Variants in GDAP1 observed in about 807,000 individuals in gnomAD.
GDAP1 encodes the protein ganglioside-induced differentiation-associated protein 1.
In GDAP1, 34 loss-of-function variants were observed where a neutral mutation model predicts 40.1. That is an observed-to-expected ratio of 0.85 (90% confidence interval 0.64 to 1.13). The LOEUF is 1.13. GDAP1 is among the 50% of genes most tolerant of loss of function. The pLI, the probability that GDAP1 is intolerant of heterozygous loss-of-function variation, is 0.00. For missense variants in GDAP1, 374 were observed against 433.7 expected (o/e 0.86, Z 1.22); for synonymous variants, 170 against 157.4 (o/e 1.08, Z -0.60).
intron 2 of GDAP1, among the ~76,000 whole-genome samples, chr8:74,431,463 A>G (rs1806023443): frequency 7.1e-6 from 1 of 140,634 alleles, no homozygotes; most frequent in Admixed American, 7.1e-5. Flanking sequence ...CATGTTCAAA[A>G]TTCTTTCTTA....
rs375489100 is a variant in GDAP1, at chr8:74,365,213, T to C, written c.*846T>C. ...TTTGATGATCTGGGAGCACCAAATA[T>C]GTTCATTCTTCGTTTGGGGAGGCTG... On this transcript the variant is annotated 3_prime_UTR_variant, in exon 6 of 6. Transcript: ENST00000220822. 2.0e-5 allele frequency: 9 copies of C among 454,120 alleles called. No homozygotes were observed. Among genetic ancestry groups the C allele is most frequent in the African/African-American group, 1.6e-4 (8 of 50,126 alleles). 28.1% of individuals were successfully genotyped at this position (454,120 alleles called of 1,614,324 possible).
At chr8:74,445,051 T>C (rs527802766) in intron 2 of GDAP1, among the ~76,000 whole-genome samples, 93 of 152,294 alleles carry the variant, frequency 6.1e-4, no homozygotes, top group African/African-American at 2.0e-3. Flanking sequence ...TTTTCCTTTG[T>C]ATATTTTGAG....
chr8:74,477,804 G>A (rs927586425), intron 2 of GDAP1, among the ~76,000 whole-genome samples: 1 of 152,178 alleles, frequency 6.6e-6, no homozygotes, highest in Non-Finnish European at 1.5e-5. Flanking sequence ...GCAGTGCACT[G>A]CACACTCATC....
chr8:74,402,758 T>C (rs1810369938), intron 2 of GDAP1, among the ~76,000 whole-genome samples: 1 of 150,474 alleles, frequency 6.6e-6, no homozygotes, highest in Non-Finnish European at 1.5e-5. Flanking sequence ...ACTTTAAATA[T>C]AAACAAATGA....
chr8:74,354,088 C>T (rs925851428), intron 2 of GDAP1, among the ~76,000 whole-genome samples: 5 of 152,114 alleles, frequency 3.3e-5, no homozygotes, highest in South Asian at 2.1e-4. Flanking sequence ...AAGATTGTAA[C>T]GCACATTTGC....
intron 2 of GDAP1, among the ~76,000 whole-genome samples, chr8:74,435,086 T>C (rs1806072126): frequency 6.6e-6 from 1 of 152,216 alleles, no homozygotes; most frequent in South Asian, 2.1e-4. Context: ...GAAAGTAATT[T>C]GAATAGATAT....
downstream of GDAP1, among the ~76,000 whole-genome samples, chr8:74,368,254 C>T (rs772016403): frequency 3.3e-5 from 5 of 152,074 alleles, no homozygotes; most frequent in East Asian, 1.9e-4. Context: ...AAATTTCAGG[C>T]GTATGACCAG....
At chr8:74,444,597 AG>A (rs1411102843) in intron 2 of GDAP1, among the ~76,000 whole-genome samples, 1 of 152,230 alleles carries the variant, frequency 6.6e-6, no homozygotes, top group African/African-American at 2.4e-5. Flanking sequence ...TTTCAATTAA[AG>A]ATCTGTAAAA....
chr8:74,416,994 A>G (rs1805791744), intron 2 of GDAP1, among the ~76,000 whole-genome samples: 1 of 142,690 alleles, frequency 7.0e-6, no homozygotes, highest in South Asian at 2.1e-4. Flanking sequence ...CGGCAGCTCT[A>G]CCCCAATAGT....
rs140734624 is a variant in GDAP1 at position 74,477,878 on chromosome 8, G to A, written c.166-10800G>A. On this transcript the variant is annotated intron_variant, in intron 2 of 2. Coordinates refer to the GDAP1 transcript ENST00000523640. ...TTTCATGTGGATGTTCACAGTAGTC[G>A]CATTAGCAGCATGGTTGGGGTGGTG... Among the ~76,000 whole-genome samples the A allele has an allele frequency of 4.2e-3, 640 of 152,244 alleles. 4 individuals are homozygous for A. Among genetic ancestry groups the A allele is most frequent in the African/African-American group, 0.014 (592 of 41,544 alleles).
intron 2 of GDAP1, among the ~76,000 whole-genome samples, chr8:74,395,042 C>A (rs1810172569): frequency 6.6e-6 from 1 of 152,148 alleles, no homozygotes; most frequent in Non-Finnish European, 1.5e-5. Flanking sequence ...CTGTAAACTT[C>A]TCATGGGCAT....
At chr8:74,396,920 G>A (rs1454939101) in intron 2 of GDAP1, among the ~76,000 whole-genome samples, 1 of 152,148 alleles carries the variant, frequency 6.6e-6, no homozygotes, top group Non-Finnish European at 1.5e-5. Flanking sequence ...AGATCCCTGA[G>A]GAATCGCCAC....
At chr8:74,455,231 T>C (rs1030917959) in intron 2 of GDAP1, among the ~76,000 whole-genome samples, 3 of 151,956 alleles carry the variant, frequency 2.0e-5, no homozygotes, top group African/African-American at 7.2e-5. Context: ...TAAATAACCC[T>C]ATAGAAATCC....
At chr8:74,410,124 C>T (rs886182751) in intron 2 of GDAP1, among the ~76,000 whole-genome samples, 1 of 150,004 alleles carries the variant, frequency 6.7e-6, no homozygotes, top group African/African-American at 2.5e-5. Context: ...GAGAATATGA[C>T]ATATGACCTA....
At chr8:74,359,988 A>C in intron 2 of GDAP1, 149 bp from the exon 3 acceptor site, 104 of 734 alleles carry the variant, frequency 0.14, 52 homozygotes, top group Admixed American at 0.28. Flanking sequence ...CAAACTTTGA[A>C]TGAATGTCTG....
At chr8:74,421,317 A>G (rs190133701) in intron 2 of GDAP1, among the ~76,000 whole-genome samples, 181 of 152,238 alleles carry the variant, frequency 1.2e-3, no homozygotes, top group African/African-American at 3.8e-3. Context: ...TTCTTTTTGT[A>G]GGTTCTTTTT....
chr8:74,392,268 G>A (rs550390863), intron 2 of GDAP1, among the ~76,000 whole-genome samples: 1 of 152,164 alleles, frequency 6.6e-6, no homozygotes, highest in Admixed American at 6.5e-5. Context: ...GATCATGGAA[G>A]TACTTCCCAG....
chr8:74,465,240 TA>T (rs557626477), intron 2 of GDAP1, among the ~76,000 whole-genome samples: 6 of 150,906 alleles, frequency 4.0e-5, no homozygotes, highest in East Asian at 1.9e-4. Context: ...TAAATAAAAA[TA>T]AAAAAAAATA....
intron 2 of GDAP1, among the ~76,000 whole-genome samples, chr8:74,416,833 G>A (rs1302955945): frequency 6.7e-6 from 1 of 149,866 alleles, no homozygotes; most frequent in Non-Finnish European, 1.5e-5. Context: ...CTGCATCAAA[G>A]GAGCACCCTG....
Sources: gnomAD v4.1 joint callset for allele counts (sites outside exome capture counted in the v4.1 genomes callset) on GRCh38, gnomAD v4.1.1 for gene constraint, MANE v1.5 for transcripts, NCBI Gene and HGNC (gene_info 2026-07-23, HGNC 2026-07-21) for gene names.